LAMA2: variants seen among roughly 807,000 people sequenced by gnomAD.
The protein encoded by LAMA2 is laminin subunit alpha 2, also known as laminin subunit alpha-2.
In LAMA2, 269 loss-of-function variants were observed where a neutral mutation model predicts 364.8. The observed-to-expected ratio is 0.74, with a 90% CI of 0.67 to 0.82. The LOEUF is 0.82. Ranked by LOEUF, LAMA2 falls within the 40% of genes least tolerant of loss-of-function variation. The pLI, the probability that LAMA2 is intolerant of heterozygous loss-of-function variation, is 0.00. For synonymous variants in LAMA2, 1,379 were observed against 1,370.6 expected, an observed-to-expected ratio of 1.01 and a Z score of -0.14; for missense variants, 3,807 against 3,873.2, an observed-to-expected ratio of 0.98 and a Z score of 0.45.
At chr6:129,247,796 A>C (rs1265913006) in intron 12 of LAMA2, among the ~76,000 whole-genome samples, 2 of 152,260 alleles carry the variant, frequency 1.3e-5, no homozygotes, top group Non-Finnish European at 1.5e-5. Context: ...ACAATGTTTT[A>C]CTATTATCGC....
intron 34 of LAMA2, among the ~76,000 whole-genome samples, chr6:129,376,103 C>T (rs1778360470): frequency 6.6e-6 from 1 of 152,164 alleles, no homozygotes; most frequent in Non-Finnish European, 1.5e-5. Context: ...CTATGGCTTT[C>T]CACTTTTTTC....
chr6:128,886,680 T>A (rs1384287205), intron 1 of LAMA2, among the ~76,000 whole-genome samples: 1 of 152,180 alleles, frequency 6.6e-6, no homozygotes, highest in East Asian at 1.9e-4. Flanking sequence ...AGTCGTTATG[T>A]TAAAGAGGGA....
intron 1 of LAMA2, among the ~76,000 whole-genome samples, chr6:128,933,632 A>G (rs907878921): frequency 1.3e-5 from 2 of 152,130 alleles, no homozygotes; most frequent in Non-Finnish European, 2.9e-5. Flanking sequence ...GTATGAGGTG[A>G]TATCTCACTG....
intron 51 of LAMA2, among the ~76,000 whole-genome samples, chr6:129,470,870 T>A (rs1302175302): frequency 6.6e-6 from 1 of 151,874 alleles, no homozygotes; most frequent in Non-Finnish European, 1.5e-5. Context: ...GTACAGTCCT[T>A]CAGGAGTGTT....
chr6:129,488,032 G>A (rs1414521526), intron 56 of LAMA2, among the ~76,000 whole-genome samples: 3 of 152,104 alleles, frequency 2.0e-5, no homozygotes, highest in Admixed American at 1.3e-4. Flanking sequence ...AACTTTAGCC[G>A]GGCGTGGTGG....
chr6:129,060,913 A>C (rs1487180421), intron 3 of LAMA2, among the ~76,000 whole-genome samples: 1 of 152,172 alleles, frequency 6.6e-6, no homozygotes, highest in Non-Finnish European at 1.5e-5. Context: ...GATATGAGGA[A>C]CTGGTGGCGG....
rs369333003 is a variant in LAMA2, at chr6:129,139,040, G to A, written c.640-4861G>A. On this transcript the variant is annotated intron_variant, in intron 4 of 64. Coordinates refer to ENST00000421865, the MANE Select transcript of LAMA2 (RefSeq NM_000426.4). Reference sequence around the variant, plus strand: ...ATAGGTCAAATATGGTGAGAACTGAGAACTGGACATTTCATTTAGTAATGT... The same window carrying A: ...ATAGGTCAAATATGGTGAGAACTGAAAACTGGACATTTCATTTAGTAATGT... 3.3e-5 allele frequency among the ~76,000 whole-genome samples: 5 copies of A among 152,212 alleles called. No individual in the cohort carries two copies. In the East Asian group the frequency reaches 5.8e-4, roughly 18 times the overall value.
intron 27 of LAMA2, among the ~76,000 whole-genome samples, chr6:129,317,150 A>G (rs1774665346): frequency 6.6e-6 from 1 of 152,218 alleles, no homozygotes; most frequent in Non-Finnish European, 1.5e-5. Context: ...CCAATGGGAT[A>G]AAATGAGAAA....
intron 8 of LAMA2, among the ~76,000 whole-genome samples, chr6:129,156,495 C>T (rs1779122222): frequency 6.7e-6 from 1 of 150,156 alleles, no homozygotes; most frequent in Non-Finnish European, 1.5e-5. Context: ...TGAATATTGA[C>T]TTTATGCCCT....
rs199862399 is a variant in LAMA2 at position 129,489,364 on chromosome 6, C to T, written c.7899-2537C>T. ...CCCTCATTCTCTCTCCCTTCCACCCCTTCATCTGGAAAAATCTCCCTTTAG... is the reference window on the plus strand; with the variant it reads ...CCCTCATTCTCTCTCCCTTCCACCCTTTCATCTGGAAAAATCTCCCTTTAG... On this transcript the variant is annotated intron_variant, in intron 56 of 64. Transcript: ENST00000421865. Among the ~76,000 whole-genome samples the T allele has an allele frequency of 2.4e-3, 365 of 150,376 alleles. 1 individual carries two copies. Among genetic ancestry groups the T allele is most frequent in the Middle Eastern group, 0.014 (4 of 292 alleles).
intron 18 of LAMA2, among the ~76,000 whole-genome samples, chr6:129,285,700 A>G (rs1469996795): frequency 6.6e-6 from 1 of 152,170 alleles, no homozygotes. Context: ...TCTGAATATT[A>G]AATAAGACAA....
rs1237125068 is a variant in LAMA2, at chr6:128,921,708, T to TA, written c.112+38351_112+38352insA. Among the ~76,000 whole-genome samples the TA allele has an allele frequency of 1.8e-3, 245 of 135,036 alleles. 2 individuals carry two copies. The highest frequency in any genetic ancestry group is 8.3e-3 in the African/African-American group (226 of 27,240). The allele number at this position is 135,036 out of a possible 152,430, so 88.6% of individuals were successfully genotyped here. On this transcript the variant is annotated intron_variant, in intron 1 of 64. Transcript: ENST00000421865. The stretch of plus-strand genomic sequence containing the variant: ...TGAAATGAATGTCTGTTTTTTTTTT[T>TA]TTTTTATTATTATTATACTTTAAGT...
At chr6:129,114,305 G>A (rs1468002822) in intron 4 of LAMA2, among the ~76,000 whole-genome samples, 2 of 152,016 alleles carry the variant, frequency 1.3e-5, no homozygotes, top group Non-Finnish European at 2.9e-5. Flanking sequence ...AGAATTTGGG[G>A]TTATTCTGAA....
At chr6:129,026,405 A>G (rs1785823102) in intron 1 of LAMA2, among the ~76,000 whole-genome samples, 1 of 152,208 alleles carries the variant, frequency 6.6e-6, no homozygotes, top group Admixed American at 6.5e-5. Context: ...TTACATAAAT[A>G]TGCACTAAAA....
At chr6:128,929,842 G>A (rs1365645639) in intron 1 of LAMA2, 27 of 1,022,606 alleles carry the variant, frequency 2.6e-5, no homozygotes, top group Non-Finnish European at 4.0e-5. Flanking sequence ...CCTTGTAAGT[G>A]AAAAACTTGC....
rs755748167 is a variant in LAMA2 at position 129,300,915 on chromosome 6, T to G, written c.3174+43T>G. On this transcript the variant is annotated intron_variant, in intron 22 of 64. Transcript: ENST00000421865. ...TTGCTCTGATAATTTTTTGGAGAGA[T>G]TTTTGTTTTGTAGAGCTCTGTAATT... 11 of 1,606,242 alleles carry G rather than the reference T, an allele frequency of 6.8e-6. No individual in the cohort carries two copies. The African/African-American group carries it at 1.5e-4, about 21-fold the overall frequency.
chr6:129,270,345 TAAAG>T (rs1787836900), intron 16 of LAMA2, among the ~76,000 whole-genome samples: 2 of 146,426 alleles, frequency 1.4e-5, no homozygotes, highest in African/African-American at 5.2e-5. Flanking sequence ...TTAAGGAAAA[TAAAG>T]AAAAAATGAA....
chr6:129,506,898 A>T (rs1474381145), intron 61 of LAMA2, among the ~76,000 whole-genome samples: 1 of 152,164 alleles, frequency 6.6e-6, no homozygotes, highest in Non-Finnish European at 1.5e-5. Context: ...TTGAATTTCT[A>T]AAAACAGATA....
In LAMA2 at chr6:129,328,320, G is replaced by A; in HGVS notation, c.4219G>A (p.Gly1407Ser). The change falls in exon 29 of 65, where the codon GGC (glycine) becomes AGC (serine). Residue 1407 changes from glycine (G) to serine (S), a missense_variant. This residue lies in a region of LAMA2 where 3,333 missense variants were observed against 3,345.7 expected (regional missense o/e 1.00). Transcript: ENST00000421865. ...GFYRLRSQPG[G>S]RTPGPTLGTC... ...TTATCGACTGCGTTCTCAACCAGGTGGCCGCACCCCTGGACCAACCCTGGG... is the reference window on the plus strand; with the variant it reads ...TTATCGACTGCGTTCTCAACCAGGTAGCCGCACCCCTGGACCAACCCTGGG... The A allele has an allele frequency of 1.9e-6, 3 of 1,614,116 alleles. No homozygotes were observed. Among genetic ancestry groups the A allele is most frequent in the Non-Finnish European group, 2.5e-6 (3 of 1,180,010 alleles).
Sources: gnomAD v4.1 joint callset for allele counts (sites outside exome capture counted in the v4.1 genomes callset) on GRCh38, gnomAD v4.1.1 for gene constraint, gnomAD v4.1.1 regional missense constraint, MANE v1.5 for transcripts, NCBI Gene and HGNC (gene_info 2026-07-23, HGNC 2026-07-21) for gene names.